PRDM16: variants seen among roughly 807,000 people sequenced by gnomAD.
PRDM16 encodes the protein histone-lysine N-methyltransferase PRDM16.
PRDM16 carries 23 observed loss-of-function variants against 110.6 expected under a neutral mutation model. The ratio of observed to expected loss-of-function variants is 0.21; its 90% CI spans 0.15 to 0.29. The LOEUF is 0.29. PRDM16 is among the 10% of genes least tolerant of loss of function. The pLI is 1.00. For synonymous variants in PRDM16, 799 were observed against 781.8 expected (o/e 1.02, Z -0.37); for missense variants, 1,615 against 1,794.3 (o/e 0.90, Z 1.81).
At chr1:3,387,752 C>T (rs1231253968) in intron 4 of PRDM16, among the ~76,000 whole-genome samples, 4 of 152,216 alleles carry the variant, frequency 2.6e-5, no homozygotes, top group Non-Finnish European at 5.9e-5. Context: ...AAATCTCAAC[C>T]GTGAATTTCA....
intron 1 of PRDM16, among the ~76,000 whole-genome samples, chr1:3,085,953 CAGAGG>C (rs1642140877): frequency 6.6e-6 from 1 of 152,250 alleles, no homozygotes; most frequent in African/African-American, 2.4e-5. Flanking sequence ...TTCACGTTGA[CAGAGG>C]GGAGGGACAG....
intron 4 of PRDM16, 58 bp downstream of exon 4, chr1:3,385,344 G>C: frequency 1.9e-6 from 3 of 1,586,700 alleles, no homozygotes; most frequent in Non-Finnish European, 2.6e-6. Flanking sequence ...TGAGGATGTG[G>C]CACCAAGATT....
chr1:3,306,918 G>A (rs1641328502), intron 3 of PRDM16: 2 of 152,204 alleles, frequency 1.3e-5, no homozygotes, highest in African/African-American at 4.8e-5. Context: ...TCAAATGAAT[G>A]GATTCAGACA....
intron 2 of PRDM16, among the ~76,000 whole-genome samples, chr1:3,229,492 C>T (rs987612475): frequency 5.9e-5 from 9 of 152,236 alleles, no homozygotes; most frequent in Non-Finnish European, 1.3e-4. Flanking sequence ...TGTTTGTTGA[C>T]AGCCACACGG....
intron 3 of PRDM16, among the ~76,000 whole-genome samples, chr1:3,259,951 A>T (rs1640125500): frequency 6.6e-6 from 1 of 150,630 alleles, no homozygotes; most frequent in African/African-American, 2.4e-5. Flanking sequence ...TGGCCCTCAA[A>T]CTCTCCCCAT....
intron 1 of PRDM16, among the ~76,000 whole-genome samples, chr1:3,170,766 A>G (rs1644016551): frequency 6.6e-6 from 1 of 152,024 alleles, no homozygotes. Flanking sequence ...TCCCGTCACC[A>G]GGGCTGGAGG....
chr1:3,177,979 C>T lies in PRDM16; in HGVS notation c.38-8146C>T, dbSNP rs115317484. Among the ~76,000 whole-genome samples, 787 of 152,288 alleles carry T rather than the reference C, an allele frequency of 5.2e-3. 4 individuals are homozygous for T. Among genetic ancestry groups the T allele is most frequent in the African/African-American group, 0.018 (760 of 41,566 alleles). Reference sequence around the variant, plus strand: ...AGCACAGCTCCTTGGAGCAGGAAGACCCTTCTGGCAGACGCCAGGCCGCGG... The same window carrying T: ...AGCACAGCTCCTTGGAGCAGGAAGATCCTTCTGGCAGACGCCAGGCCGCGG... On this transcript the variant is annotated intron_variant, in intron 1 of 16. Coordinates refer to ENST00000270722, the MANE Select transcript of PRDM16 (RefSeq NM_022114.4).
intron 2 of PRDM16, among the ~76,000 whole-genome samples, chr1:3,225,759 G>A (rs932025426): frequency 1.3e-5 from 2 of 152,166 alleles, no homozygotes; most frequent in African/African-American, 4.8e-5. Context: ...TCTGCTCCCA[G>A]CCCAAACATC....
Position 3,164,160 on chromosome 1 carries a change from G to A in PRDM16, c.38-21965G>A, listed in dbSNP as rs139824251. Among the ~76,000 whole-genome samples the A allele has an allele frequency of 3.9e-4, 60 of 152,346 alleles. No homozygotes were observed. The East Asian group carries it at 7.7e-3, about 20-fold the overall frequency. ...TTCATGAATTACACACCATGCAAAC[G>A]TCCGGCCAGCGGCTTAAGTATAAAG... On this transcript the variant is annotated intron_variant, in intron 1 of 16. Coordinates refer to ENST00000270722, the MANE Select transcript of PRDM16 (RefSeq NM_022114.4).
chr1:3,131,331 T>C (rs779818489), intron 1 of PRDM16, among the ~76,000 whole-genome samples: 1 of 152,218 alleles, frequency 6.6e-6, no homozygotes, highest in Non-Finnish European at 1.5e-5. Flanking sequence ...AAAATTGTTA[T>C]GTTTCTGTGT....
chr1:3,401,833 G>T (rs1474732017), intron 5 of PRDM16, among the ~76,000 whole-genome samples: 1 of 151,806 alleles, frequency 6.6e-6, no homozygotes, highest in South Asian at 2.1e-4. Flanking sequence ...TCAACACAAA[G>T]GCATCCACAA....
intron 2 of PRDM16, among the ~76,000 whole-genome samples, chr1:3,191,495 G>A (rs1638308472): frequency 6.6e-6 from 1 of 152,192 alleles, no homozygotes; most frequent in Non-Finnish European, 1.5e-5. Flanking sequence ...CAGCAGCCAG[G>A]GATGGGTGAG....
Position 3,396,718 on chromosome 1 carries a change from G to A in PRDM16, c.676+125G>A, listed in dbSNP as rs7535965. The A allele has an allele frequency of 0.32, 192,490 of 594,884 alleles. 34,437 individuals are homozygous for A. Among genetic ancestry groups the A allele is most frequent in the Middle Eastern group, 0.41 (901 of 2,224 alleles). 36.9% of individuals were successfully genotyped at this position (594,884 alleles called of 1,614,324 possible). A position where few individuals can be genotyped will look rare whatever the true frequency, so the allele number is the denominator to read the frequency against. The stretch of plus-strand genomic sequence containing the variant: ...TCAAGCCACCTAATGAGGGCCAGGC[G>A]GCCCCCAAGTGCTAGGTGCCTCCAT... On this transcript the variant is annotated intron_variant, in intron 5 of 16. Coordinates refer to ENST00000270722, the MANE Select transcript of PRDM16 (RefSeq NM_022114.4).
rs114718046 is a variant in PRDM16, at chr1:3,100,726, C to T, written c.37+31430C>T. On this transcript the variant is annotated intron_variant, in intron 1 of 16. Coordinates refer to ENST00000270722, the MANE Select transcript of PRDM16 (RefSeq NM_022114.4). The stretch of plus-strand genomic sequence containing the variant: ...TGAGGAAGATAGATACACCCACACA[C>T]GCCCTATAGGGCTGGTGGGTCCTGT... 8.5e-3 allele frequency among the ~76,000 whole-genome samples: 1,291 copies of T among 152,272 alleles called. 21 individuals are homozygous for T. The highest frequency in any genetic ancestry group is 0.03 in the African/African-American group (1,237 of 41,560).
At chr1:3,089,179 A>T (rs926572248) in intron 1 of PRDM16, among the ~76,000 whole-genome samples, 9 of 152,038 alleles carry the variant, frequency 5.9e-5, no homozygotes, top group African/African-American at 2.2e-4. Flanking sequence ...GGCCCCTCCG[A>T]CTCGACGTCT....
intron 2 of PRDM16, among the ~76,000 whole-genome samples, chr1:3,210,831 G>A (rs1638867610): frequency 6.6e-6 from 1 of 152,178 alleles, no homozygotes; most frequent in Non-Finnish European, 1.5e-5. Flanking sequence ...GTATTCATGA[G>A]ATATTTGTTT....
At chr1:3,119,483 T>C (rs1263506312) in intron 1 of PRDM16, among the ~76,000 whole-genome samples, 1 of 152,176 alleles carries the variant, frequency 6.6e-6, no homozygotes, top group Admixed American at 6.5e-5. Context: ...AGTTTTCTAG[T>C]GTGGCCTTGG....
chr1:3,070,409 G>A (rs1641721102), intron 1 of PRDM16, among the ~76,000 whole-genome samples: 1 of 147,760 alleles, frequency 6.8e-6, no homozygotes, highest in Non-Finnish European at 1.5e-5. Flanking sequence ...GGTGAGGACA[G>A]GCGGAGCCGC....
rs529679821 is a variant in PRDM16 at position 3,162,145 on chromosome 1, G to A, written c.38-23980G>A. On this transcript the variant is annotated intron_variant, in intron 1 of 16. Transcript: ENST00000270722. ...TTTGTCATTTTAACCACCCGTGAGC[G>A]TGGCATTAGGTGGCGTTCAATATGC... Among the ~76,000 whole-genome samples, 20 of 152,260 alleles carry A rather than the reference G, an allele frequency of 1.3e-4. 1 individual carries two copies. In the South Asian group the frequency reaches 2.9e-3, roughly 22 times the overall value.
Sources: allele counts gnomAD v4.1 joint callset (sites outside exome capture counted in the v4.1 genomes callset), GRCh38; gene constraint gnomAD v4.1.1; transcripts MANE v1.5; gene names NCBI Gene and HGNC (gene_info 2026-07-23, HGNC 2026-07-21).